The following HERC3 variants were observed in gnomAD, a reference collection of about 807,000 sequenced individuals.
The protein encoded by HERC3 is probable E3 ubiquitin-protein ligase HERC3.
HERC3 carries 58 observed loss-of-function variants against 129.9 expected under a neutral mutation model. The ratio of observed to expected loss-of-function variants is 0.45; its 90% confidence interval spans 0.36 to 0.56. The LOEUF is 0.56. HERC3 is among the 20% of genes least tolerant of loss of function. The pLI, the probability that HERC3 is intolerant of heterozygous loss-of-function variation, is 0.00. For synonymous variants in HERC3, 430 were observed against 451.0 expected (o/e 0.95, Z 0.59); for missense variants, 835 against 1,244.2 (o/e 0.67, Z 4.95).
intron 10 of HERC3, among the ~76,000 whole-genome samples, chr4:88,660,716 G>T (rs1053143082): frequency 3.9e-5 from 6 of 152,136 alleles, no homozygotes; most frequent in Non-Finnish European, 8.8e-5. Context: ...TGTTAGAATT[G>T]TGTGTGCATG....
At chr4:88,701,954 C>G (rs1271890008) in intron 23 of HERC3, among the ~76,000 whole-genome samples, 3 of 152,058 alleles carry the variant, frequency 2.0e-5, no homozygotes, top group African/African-American at 7.2e-5. Context: ...AGGCATGCAC[C>G]ACCAGGCCTG....
At chr4:88,538,189 A>C in the HERC3 span, among the ~76,000 whole-genome samples, 132 of 152,314 alleles carry the variant, frequency 8.7e-4, no homozygotes, top group Admixed American at 3.1e-3. Flanking sequence ...ATTCTTTCAA[A>C]TGGTTTTGCA....
the HERC3 span, among the ~76,000 whole-genome samples, chr4:88,531,641 A>G: frequency 6.6e-6 from 1 of 152,218 alleles, no homozygotes; most frequent in Non-Finnish European, 1.5e-5. Flanking sequence ...AAGAAGTTGG[A>G]AAACGAACAA....
rs1722278273 is a variant in HERC3, at chr4:88,595,615, G to A, written c.-30+1G>A. Reference sequence around the variant, plus strand: ...TCCAATGCCAAGTGTGTGACCTGTGGTGAGTTACTTAATTTTTCTGGACCT... The same window carrying A: ...TCCAATGCCAAGTGTGTGACCTGTGATGAGTTACTTAATTTTTCTGGACCT... On this transcript the variant is annotated splice_donor_variant, in intron 2 of 25. Coordinates refer to ENST00000402738, the MANE Select transcript of HERC3 (RefSeq NM_014606.3). LOFTEE classifies it low-confidence loss of function (5UTR_SPLICE). The A allele has an allele frequency of 6.6e-6, 1 of 152,138 alleles. No individual in the cohort carries two copies. The highest frequency in any genetic ancestry group is 2.1e-4 in the South Asian group (1 of 4,830). 9.4% of individuals were successfully genotyped at this position (152,138 alleles called of 1,614,324 possible).
intron 3 of HERC3, among the ~76,000 whole-genome samples, chr4:88,615,973 AATAC>A (rs770264208): frequency 8.5e-5 from 13 of 152,274 alleles, no homozygotes; most frequent in African/African-American, 1.9e-4. Flanking sequence ...ATTCATGACA[AATAC>A]ATACAGTTTC....
intron 23 of HERC3, among the ~76,000 whole-genome samples, chr4:88,698,385 C>T (rs1734901264): frequency 6.6e-6 from 1 of 151,998 alleles, no homozygotes; most frequent in Non-Finnish European, 1.5e-5. Flanking sequence ...CCTTGGCCAT[C>T]CCACACACCT....
chr4:88,540,710 C>T, the HERC3 span, among the ~76,000 whole-genome samples: 2 of 152,160 alleles, frequency 1.3e-5, no homozygotes, highest in Admixed American at 1.3e-4. Context: ...GGTCGGGTTA[C>T]CCACAAGGGA....
Position 88,594,751 on chromosome 4 carries a change from A to G in HERC3, c.-87-806A>G, listed in dbSNP as rs180773228. ...GAGATACTTTAGGTATCTCTCTGAGATGATCTCTTCTCATTTTGCATGATG... is the reference window on the plus strand; with the variant it reads ...GAGATACTTTAGGTATCTCTCTGAGGTGATCTCTTCTCATTTTGCATGATG... On this transcript the variant is annotated intron_variant, in intron 1 of 25. Coordinates refer to ENST00000402738, the MANE Select transcript of HERC3 (RefSeq NM_014606.3). Among the ~76,000 whole-genome samples the G allele has an allele frequency of 1.1e-4, 16 of 152,264 alleles. No individual in the cohort carries two copies. The East Asian group carries it at 3.1e-3, about 29-fold the overall frequency.
At chr4:88,534,693 A>T in the HERC3 span, among the ~76,000 whole-genome samples, 1 of 152,240 alleles carries the variant, frequency 6.6e-6, no homozygotes, top group Non-Finnish European at 1.5e-5. Context: ...AAAATAAAAA[A>T]TTAAGACAGC....
At chr4:88,550,041 G>T in the HERC3 span, among the ~76,000 whole-genome samples, 1 of 152,114 alleles carries the variant, frequency 6.6e-6, no homozygotes, top group African/African-American at 2.4e-5. Context: ...CCTTATAAGG[G>T]GATAGTGAAA....
At chr4:88,631,070 A>G (rs2915433) in intron 3 of HERC3, among the ~76,000 whole-genome samples, 1 of 152,166 alleles carries the variant, frequency 6.6e-6, no homozygotes, top group East Asian at 1.9e-4. Flanking sequence ...TAAGAAGAAC[A>G]TATATTCAGA....
the HERC3 span, among the ~76,000 whole-genome samples, chr4:88,545,081 A>C: frequency 1.3e-5 from 2 of 151,882 alleles, no homozygotes. Context: ...AAACATTCAC[A>C]CTCTGAGGCA....
At chr4:88,538,074 T>A in the HERC3 span, among the ~76,000 whole-genome samples, 3 of 152,246 alleles carry the variant, frequency 2.0e-5, no homozygotes, top group Non-Finnish European at 4.4e-5. Flanking sequence ...GACCCACATA[T>A]TCTTTAAGGG....
rs527835715 is a variant in HERC3 at position 88,663,560 on chromosome 4, A to G, written c.1272-593A>G. Among the ~76,000 whole-genome samples the G allele has an allele frequency of 3.3e-5, 5 of 152,238 alleles. No homozygotes were observed. In the East Asian group the frequency reaches 7.7e-4, roughly 24 times the overall value. ...ACTGTAATCCCCTCCCCAGCTGTAT[A>G]TTTGTGTTATTCTTTCCCTTTTCCT... On this transcript the variant is annotated intron_variant, in intron 11 of 25. Transcript: ENST00000402738.
At chr4:88,573,709 A>C in the HERC3 span, among the ~76,000 whole-genome samples, 1 of 152,214 alleles carries the variant, frequency 6.6e-6, no homozygotes, top group Non-Finnish European at 1.5e-5. Context: ...GAGTAAAAAG[A>C]AAGATAATGA....
chr4:88,628,792 T>A (rs1233802803), intron 3 of HERC3, among the ~76,000 whole-genome samples: 2 of 152,168 alleles, frequency 1.3e-5, no homozygotes, highest in African/African-American at 2.4e-5. Flanking sequence ...GGGAATGACC[T>A]CTTACTTAAT....
chr4:88,638,280 C>T (rs1727656772), intron 3 of HERC3, among the ~76,000 whole-genome samples: 2 of 150,338 alleles, frequency 1.3e-5, no homozygotes, highest in African/African-American at 5.0e-5. Flanking sequence ...CTGGCAGAGA[C>T]ACAACAAAAA....
At chr4:88,657,460 T>C (rs1199290417) in intron 9 of HERC3, 1 of 152,234 alleles carries the variant, frequency 6.6e-6, no homozygotes, top group Non-Finnish European at 1.5e-5. Flanking sequence ...TTCTCTGTAA[T>C]TTGTAAATTC....
chr4:88,676,436 A>G lies in HERC3; in HGVS notation c.2025+13A>G. On this transcript the variant is annotated intron_variant, in intron 18 of 25. Transcript: ENST00000402738. Reference sequence around the variant, plus strand: ...ACTACAGATGCAGGTATCATATTTTAGAAATTATTTCTTCTTTTTACTGTG... The same window carrying G: ...ACTACAGATGCAGGTATCATATTTTGGAAATTATTTCTTCTTTTTACTGTG... The G allele has an allele frequency of 1.3e-6, 2 of 1,561,086 alleles. No individual in the cohort carries two copies. The highest frequency in any genetic ancestry group is 1.8e-6 in the Non-Finnish European group (2 of 1,133,354).
Sources: gnomAD v4.1 joint callset for allele counts (sites outside exome capture counted in the v4.1 genomes callset) on GRCh38, gnomAD v4.1.1 for gene constraint, MANE v1.5 for transcripts, NCBI Gene and HGNC (gene_info 2026-07-23, HGNC 2026-07-21) for gene names.